The following ZNF469 variants were observed in gnomAD, a reference collection of about 807,000 sequenced individuals.
ZNF469 encodes zinc finger protein 469.
In ZNF469, 1 loss-of-function variant was observed where a neutral mutation model predicts 1.0. The ratio of observed to expected loss-of-function variants is 1.00; its 90% CI spans 0.35 to 4.73. The LOEUF (loss-of-function observed/expected upper bound fraction) is 4.73. Among genes scored for constraint, ZNF469 ranks in the 30% most tolerant of loss-of-function variants. The pLI is 0.16. For missense variants in ZNF469, 6,100 were observed against 5,356.3 expected (o/e 1.14, Z -4.33); for synonymous variants, 2,703 against 2,363.4 (o/e 1.14, Z -4.17).
the ZNF469 span, among the ~76,000 whole-genome samples, chr16:88,333,728 G>T: frequency 1.5e-5 from 2 of 133,968 alleles, no homozygotes; most frequent in Non-Finnish European, 3.3e-5. Context: ...ACGGATGCGG[G>T]CCCGCGAGGT....
chr16:88,117,607 G>GTGGAGGTGCCACGTGTCTTCGGGGACCA, the ZNF469 span, among the ~76,000 whole-genome samples: 2 of 148,816 alleles, frequency 1.3e-5, no homozygotes, highest in Admixed American at 6.6e-5. Flanking sequence ...TTCGGGGACC[G>GTGGAGGTGCCACGTGTCTTCGGGGACCA]TGGAGGTGCC....
At chr16:88,209,454 C>A in the ZNF469 span, among the ~76,000 whole-genome samples, 1 of 152,046 alleles carries the variant, frequency 6.6e-6, no homozygotes, top group African/African-American at 2.4e-5. Context: ...CCGCACCCAG[C>A]TAATTTTTGT....
At chr16:88,203,491 G>A in the ZNF469 span, among the ~76,000 whole-genome samples, 2 of 152,154 alleles carry the variant, frequency 1.3e-5, no homozygotes, top group Non-Finnish European at 2.9e-5. Flanking sequence ...ACAAATGACG[G>A]TGGGGGCGGG....
At chr16:88,395,222 GAT>G (rs1174955275) in intron 1 of ZNF469, among the ~76,000 whole-genome samples, 4 of 143,368 alleles carry the variant, frequency 2.8e-5, no homozygotes, top group Admixed American at 6.9e-5. Context: ...TGGGTGGATG[GAT>G]GGGTGGATGG....
Position 88,430,560 on chromosome 16 carries a change from G to GC in ZNF469, c.3096dup (p.Arg1033GlnfsTer53). 2.0e-6 allele frequency: 3 copies of GC among 1,472,722 alleles called. No individual in the cohort carries two copies. Among genetic ancestry groups the GC allele is most frequent in the South Asian group, 2.6e-5 (2 of 76,114 alleles). The allele number at this position is 1,472,722 out of a possible 1,614,324, so 91.2% of individuals were successfully genotyped here. A position where few individuals can be genotyped will look rare whatever the true frequency, so the allele number is the denominator to read the frequency against. On this transcript the variant is annotated frameshift_variant, in exon 3 of 3. Coordinates refer to ENST00000565624, the MANE Select transcript of ZNF469 (RefSeq NM_001367624.2). LOFTEE classifies it low-confidence loss of function (END_TRUNC). ...CCCGCAGCTCCCGGCGCCGCCGGCT[G>GC]CCCCCCAGGAAGGACCCCAGGAAGA... is the stretch of plus-strand genomic sequence containing the variant.
At chr16:88,249,039 G>A in the ZNF469 span, among the ~76,000 whole-genome samples, 3 of 152,004 alleles carry the variant, frequency 2.0e-5, no homozygotes, top group African/African-American at 2.4e-5. Flanking sequence ...TCCCTCTCAC[G>A]CTGCACACAC....
chr16:88,280,351 G>A, the ZNF469 span, among the ~76,000 whole-genome samples: 37,931 of 151,856 alleles, frequency 0.25, 5,268 homozygotes, highest in East Asian at 0.43. Context: ...CCGACACTTG[G>A]TCAGTACTGT....
chr16:88,297,529 C>T, the ZNF469 span, among the ~76,000 whole-genome samples: 2 of 152,218 alleles, frequency 1.3e-5, no homozygotes, highest in African/African-American at 2.4e-5. Flanking sequence ...CCACGGCACA[C>T]GGCAAGTGGG....
At chr16:88,153,389 C>T in the ZNF469 span, among the ~76,000 whole-genome samples, 6 of 152,326 alleles carry the variant, frequency 3.9e-5, no homozygotes, top group East Asian at 3.9e-4. Context: ...TTGTCTCTTC[C>T]GATGCTAACA....
the ZNF469 span, among the ~76,000 whole-genome samples, chr16:88,139,077 G>A: frequency 7.2e-5 from 11 of 152,220 alleles, no homozygotes; most frequent in African/African-American, 2.7e-4. Flanking sequence ...AAGAAAGACC[G>A]GGAAAGCTTT....
At position 88,429,809 on chromosome 16, in the gene ZNF469, C is replaced by T; in HGVS notation, c.2339C>T (p.Pro780Leu). ...PPGLPSPPAA[P>L]RVPADAHAGL... ...GGGCTCCCCTCGCCCCCCGCTGCCCCCAGAGTCCCTGCCGACGCACACGCG... is the reference window on the plus strand; with the variant it reads ...GGGCTCCCCTCGCCCCCCGCTGCCCTCAGAGTCCCTGCCGACGCACACGCG... Residue 780 changes from proline (P) to leucine (L), a missense_variant, in exon 3 of 3, where the codon CCC (proline) becomes CTC (leucine). Pro to Leu is a moderately conservative substitution (Grantham distance 98). Coordinates refer to ENST00000565624, the MANE Select transcript of ZNF469 (RefSeq NM_001367624.2). The T allele has an allele frequency of 6.5e-7, 1 of 1,546,154 alleles. No homozygotes were observed. Among genetic ancestry groups the T allele is most frequent in the Non-Finnish European group, 8.7e-7 (1 of 1,144,504 alleles).
the ZNF469 span, among the ~76,000 whole-genome samples, chr16:88,199,396 A>C: frequency 6.6e-6 from 1 of 152,180 alleles, no homozygotes; most frequent in Non-Finnish European, 1.5e-5. Flanking sequence ...CTCACCAGTC[A>C]CTGCAGAATC....
At chr16:88,421,066 C>T (rs995962157) in intron 1 of ZNF469, among the ~76,000 whole-genome samples, 4 of 151,526 alleles carry the variant, frequency 2.6e-5, no homozygotes, top group Non-Finnish European at 4.4e-5. Context: ...ACCTGGCTCT[C>T]GAGGGTGCAC....
chr16:88,212,571 T>G, the ZNF469 span, among the ~76,000 whole-genome samples: 1 of 152,320 alleles, frequency 6.6e-6, no homozygotes, highest in East Asian at 1.9e-4. Context: ...CTTTCTTCCC[T>G]TATTTATTTA....
In ZNF469 at chr16:88,439,400, C is replaced by T. The variant is rs1906848827; in HGVS notation, c.*68C>T. On this transcript the variant is annotated 3_prime_UTR_variant, in exon 3 of 3. Coordinates refer to ENST00000565624, the MANE Select transcript of ZNF469 (RefSeq NM_001367624.2). Reference sequence around the variant, plus strand: ...TCTCGGCCTGCCTCCTTGGCCAGCTCCGGCTCCCTGAGATGGTCCACTCTG... The same window carrying T: ...TCTCGGCCTGCCTCCTTGGCCAGCTTCGGCTCCCTGAGATGGTCCACTCTG... 6.6e-7 allele frequency: 1 copy of T among 1,523,772 alleles called. No homozygotes were observed. The highest frequency in any genetic ancestry group is 8.9e-7 in the Non-Finnish European group (1 of 1,124,156). 94.4% of individuals were successfully genotyped at this position (1,523,772 alleles called of 1,614,324 possible). A position where few individuals can be genotyped will look rare whatever the true frequency, so the allele number is the denominator to read the frequency against.
chr16:88,236,639 G>T, the ZNF469 span, among the ~76,000 whole-genome samples: 5 of 152,222 alleles, frequency 3.3e-5, no homozygotes, highest in Admixed American at 1.3e-4. Flanking sequence ...GGCCGAGGCA[G>T]GTGGATCACC....
chr16:88,261,729 C>G, the ZNF469 span, among the ~76,000 whole-genome samples: 2 of 152,190 alleles, frequency 1.3e-5, no homozygotes, highest in East Asian at 3.8e-4. This position sits in a 1 kb window ranked among gnomAD's most constrained non-coding sequence, Gnocchi z 6.0. Context: ...CTGTGCAGGT[C>G]TGTCTCGGGT....
intron 1 of ZNF469, among the ~76,000 whole-genome samples, chr16:88,411,487 TGCGAGCGGGCAGGG>T (rs1905162783): frequency 5.6e-4 from 3 of 5,322 alleles, no homozygotes; most frequent in Non-Finnish European, 9.2e-4. Flanking sequence ...CAGGCAGGGG[TGCGAGCGGGCAGGG>T]GTGCAAGCAG....
At chr16:88,105,414 C>T in the ZNF469 span, among the ~76,000 whole-genome samples, 1 of 151,026 alleles carries the variant, frequency 6.6e-6, no homozygotes, top group South Asian at 2.1e-4. Flanking sequence ...AAGGGATTCT[C>T]CTGTCTCAGT....
Sources: gnomAD v4.1 joint callset for allele counts (sites outside exome capture counted in the v4.1 genomes callset) on GRCh38, gnomAD v4.1.1 for gene constraint, Gnocchi (gnomAD v3.1) non-coding constraint, MANE v1.5 for transcripts, NCBI Gene and HGNC (gene_info 2026-07-23, HGNC 2026-07-21) for gene names.